NCOR2: variants seen among roughly 807,000 people sequenced by gnomAD.
NCOR2 encodes CTG repeat protein 26.
NCOR2 carries 81 observed loss-of-function variants against 262.9 expected under a neutral mutation model. The observed-to-expected ratio is 0.31, with a 90% CI of 0.26 to 0.37. The LOEUF (loss-of-function observed/expected upper bound fraction) is 0.37. NCOR2 is among the 10% of genes least tolerant of loss of function. NCOR2 has a pLI of 1.00. For missense variants in NCOR2, 3,385 were observed against 3,621.4 expected (o/e 0.93, Z 1.68); for synonymous variants, 1,659 against 1,559.3 (o/e 1.06, Z -1.51).
intron 7 of NCOR2, among the ~76,000 whole-genome samples, chr12:124,445,501 G>A (rs1470016980): frequency 3.3e-5 from 5 of 152,174 alleles, no homozygotes; most frequent in South Asian, 4.1e-4. Context: ...CTTTCACTCC[G>A]CGGCCCCAGC....
intron 13 of NCOR2, among the ~76,000 whole-genome samples, chr12:124,408,226 C>T (rs1354114367): frequency 2.6e-5 from 4 of 152,002 alleles, no homozygotes; most frequent in Non-Finnish European, 4.4e-5. Context: ...TGGTGGCGGG[C>T]GCCTGTAGTC....
At position 124,483,655 on chromosome 12, in the gene NCOR2, G is replaced by A. The variant is rs2047619818; in HGVS notation, c.352C>T (p.Leu118=). ...GTGGCCAGCAGGGGTGACGGTCGCAGCAGGGGGTCAGGCAGCAGCTCTAGC... is the reference window on the plus strand; with the variant it reads ...GTGGCCAGCAGGGGTGACGGTCGCAACAGGGGGTCAGGCAGCAGCTCTAGC... Residue 118 remains leucine (L), a synonymous_variant, in exon 3 of 47, where the codon CTG becomes TTG. Coordinates refer to ENST00000405201, the Ensembl canonical transcript of NCOR2. This position sits in a 1 kb window ranked among gnomAD's most constrained non-coding sequence, Gnocchi z 6.3. The A allele has an allele frequency of 2.5e-6, 4 of 1,611,412 alleles. No homozygotes were observed. Among genetic ancestry groups the A allele is most frequent in the South Asian group, 1.1e-5 (1 of 90,560 alleles).
chr12:124,523,319 G>A lies in NCOR2; in HGVS notation c.-118+12246C>T, dbSNP rs1005608519. 6.6e-6 allele frequency among the ~76,000 whole-genome samples: 1 copy of A among 152,170 alleles called. No individual in the cohort carries two copies. The highest frequency in any genetic ancestry group is 1.5e-5 in the Non-Finnish European group (1 of 68,026). ...CACCCAGCAACTGGCAAGGACGGCT[G>A]GGGGCAGGGGGCAGGTGGCTGCCTG... is the stretch of plus-strand genomic sequence containing the variant. On this transcript the variant is annotated intron_variant, in intron 1 of 46. Coordinates refer to the NCOR2 transcript ENST00000404621. This position sits in a 1 kb window ranked among gnomAD's most constrained non-coding sequence, Gnocchi z 4.0.
At chr12:124,400,619 G>T in exon 15 of NCOR2, 1 of 1,614,182 alleles carries the variant, frequency 6.2e-7, no homozygotes, top group Non-Finnish European at 8.5e-7. Flanking sequence ...GGCCTTTGGA[G>T]GCCACAGCCT....
At chr12:124,532,701 G>C (rs985304098) in intron 1 of NCOR2, among the ~76,000 whole-genome samples, 1 of 152,198 alleles carries the variant, frequency 6.6e-6, no homozygotes, top group South Asian at 2.1e-4. Flanking sequence ...CCATTAGGCC[G>C]GAGACGGAGA....
chr12:124,404,742 G>C (rs551642059), intron 13 of NCOR2, among the ~76,000 whole-genome samples: 1 of 152,186 alleles, frequency 6.6e-6, no homozygotes, highest in South Asian at 2.1e-4. Flanking sequence ...ACAGATCCCC[G>C]AGAGCTGACT....
chr12:124,372,246 G>C, exon 20 of NCOR2: 1 of 1,592,642 alleles, frequency 6.3e-7, no homozygotes, highest in Non-Finnish European at 8.5e-7. Context: ...CGCTCTTGAC[G>C]GGCTCCTCGG....
chr12:124,433,249 G>A (rs968887600), intron 8 of NCOR2, among the ~76,000 whole-genome samples: 2 of 152,338 alleles, frequency 1.3e-5, no homozygotes, highest in Non-Finnish European at 1.5e-5. Flanking sequence ...ACACGTGCTC[G>A]GGGCAGTGGC....
upstream of NCOR2, among the ~76,000 whole-genome samples, chr12:124,497,885 C>T (rs1451782764): frequency 3.3e-5 from 5 of 152,232 alleles, no homozygotes; most frequent in South Asian, 2.1e-4. This position sits in a 1 kb window ranked among gnomAD's most constrained non-coding sequence, Gnocchi z 4.2. Flanking sequence ...ATGAGACATC[C>T]GTTCTGCAGC....
Position 124,443,293 on chromosome 12 carries a change from G to A in NCOR2, c.816-5297C>T, listed in dbSNP as rs927796541. On this transcript the variant is annotated intron_variant, in intron 7 of 46. Transcript: ENST00000405201. The surrounding 1 kb of genome is among the most constrained non-coding windows in gnomAD (Gnocchi z 4.4). ...TGTTTGCCACCGATGGGCAGCAACT[G>A]AGGGTGTGAATCCACCCTGGCTGAT... Among the ~76,000 whole-genome samples, 3 of 152,198 alleles carry A rather than the reference G, an allele frequency of 2.0e-5. No homozygotes were observed. The highest frequency in any genetic ancestry group is 1.3e-4 in the Admixed American group (2 of 15,282).
chr12:124,397,314 C>A (rs2041741803), intron 16 of NCOR2, among the ~76,000 whole-genome samples: 1 of 152,234 alleles, frequency 6.6e-6, no homozygotes, highest in Non-Finnish European at 1.5e-5. Flanking sequence ...TGATTCCGCA[C>A]AGCCAACCTA....
intron 19 of NCOR2, among the ~76,000 whole-genome samples, chr12:124,373,901 T>TGCGCAGGGGCCCCGGGCACG (rs1566413146): frequency 2.6e-5 from 4 of 151,962 alleles, no homozygotes; most frequent in African/African-American, 9.7e-5. Context: ...GGCCAGTGCG[T>TGCGCAGGGGCCCCGGGCACG]GTGCAGGGGC....
At chr12:124,328,023 T>G (rs1421729207) in intron 44 of NCOR2, among the ~76,000 whole-genome samples, 1 of 151,986 alleles carries the variant, frequency 6.6e-6, no homozygotes, top group Non-Finnish European at 1.5e-5. Flanking sequence ...TGTTTGTTTT[T>G]TTTTTAAATC....
At chr12:124,450,716 C>A (rs1418191881) in intron 6 of NCOR2, among the ~76,000 whole-genome samples, 1 of 152,182 alleles carries the variant, frequency 6.6e-6, no homozygotes, top group Non-Finnish European at 1.5e-5. Context: ...GTGCAGGGAC[C>A]AAGCCAGCTG....
intron 4 of NCOR2, among the ~76,000 whole-genome samples, chr12:124,468,270 ATCC>A (rs2046607808): frequency 3.2e-5 from 2 of 61,880 alleles, no homozygotes; most frequent in Non-Finnish European, 6.1e-5. Flanking sequence ...CACCCCCATC[ATCC>A]TCATCACCCT....
chr12:124,349,153 A>G lies in NCOR2; in HGVS notation c.3845-839T>C, dbSNP rs139525567. On this transcript the variant is annotated intron_variant, in intron 28 of 46. Coordinates refer to ENST00000405201, the Ensembl canonical transcript of NCOR2. The stretch of plus-strand genomic sequence containing the variant: ...GTGGCAGGGGTGGCCTCGCCAGGCC[A>G]AAGGAGCCTACATGGGCCCGGCTCA... Among the ~76,000 whole-genome samples the G allele has an allele frequency of 4.3e-3, 652 of 152,332 alleles. 2 individuals are homozygous for G. Among genetic ancestry groups the G allele is most frequent in the African/African-American group, 0.014 (591 of 41,586 alleles).
intron 16 of NCOR2, among the ~76,000 whole-genome samples, chr12:124,392,665 G>T (rs2041393205): frequency 6.6e-6 from 1 of 152,262 alleles, no homozygotes; most frequent in Non-Finnish European, 1.5e-5. Flanking sequence ...CCTCTTTTGG[G>T]GGGCCCATGG....
At chr12:124,429,128 G>A (rs1304584796) in intron 10 of NCOR2, among the ~76,000 whole-genome samples, 3 of 152,246 alleles carry the variant, frequency 2.0e-5, no homozygotes, top group Non-Finnish European at 4.4e-5. Flanking sequence ...CGAGAAGGTC[G>A]TGGCTGCGTG....
intron 13 of NCOR2, among the ~76,000 whole-genome samples, chr12:124,415,972 G>A (rs770934269): frequency 1.4e-4 from 22 of 152,172 alleles, no homozygotes; most frequent in Non-Finnish European, 2.1e-4. Flanking sequence ...GTGTTGAGCT[G>A]TTTTTTCCCT....
Sources: allele counts gnomAD v4.1 joint callset (sites outside exome capture counted in the v4.1 genomes callset), GRCh38; gene constraint gnomAD v4.1.1; non-coding constraint Gnocchi (gnomAD v3.1); transcripts MANE v1.5; gene names NCBI Gene and HGNC (gene_info 2026-07-23, HGNC 2026-07-21).